The following DLG2 variants were observed in gnomAD, a reference collection of about 807,000 sequenced individuals.
DLG2 encodes discs large MAGUK scaffold protein 2, also known as disks large homolog 2.
In DLG2, 45 loss-of-function variants were observed where a neutral mutation model predicts 132.5. The observed-to-expected ratio is 0.34, with a 90% confidence interval of 0.27 to 0.44. The LOEUF (loss-of-function observed/expected upper bound fraction) is 0.44, where lower values mean the gene tolerates loss of function less well. Among genes scored for constraint, DLG2 ranks in the 20% least tolerant of loss-of-function variants. DLG2 has a pLI of 1.00. For synonymous variants in DLG2, 424 were observed against 419.6 expected, an observed-to-expected ratio of 1.01 and a Z score of -0.13; for missense variants, 1,045 against 1,196.9, an observed-to-expected ratio of 0.87 and a Z score of 1.87.
At chr11:83,476,140 T>A (rs1190661678) in intron 22 of DLG2, among the ~76,000 whole-genome samples, 5 of 152,144 alleles carry the variant, frequency 3.3e-5, no homozygotes, top group Admixed American at 2.0e-4. Context: ...GTACGTTTAA[T>A]GCTCAAAATT....
At chr11:84,742,159 G>A (rs1322454906) in intron 6 of DLG2, among the ~76,000 whole-genome samples, 2 of 151,982 alleles carry the variant, frequency 1.3e-5, no homozygotes, top group African/African-American at 4.8e-5. Flanking sequence ...GATTTATGGG[G>A]CACTATTAAA....
intron 6 of DLG2, among the ~76,000 whole-genome samples, chr11:84,548,037 TA>T (rs2099393817): frequency 6.6e-6 from 1 of 152,202 alleles, no homozygotes; most frequent in African/African-American, 2.4e-5. Flanking sequence ...GCACAGGTAA[TA>T]AAGTGAGTTC....
chr11:84,497,641 A>G (rs1203468636), intron 7 of DLG2, among the ~76,000 whole-genome samples: 1 of 152,214 alleles, frequency 6.6e-6, no homozygotes, highest in Non-Finnish European at 1.5e-5. Context: ...CTCACATAAT[A>G]CAAATTAGAA....
chr11:83,921,471 A>G (rs1203984929), intron 15 of DLG2, among the ~76,000 whole-genome samples: 1 of 152,176 alleles, frequency 6.6e-6, no homozygotes, highest in Non-Finnish European at 1.5e-5. Context: ...TAGCTACCGC[A>G]TAAGTCATTA....
In DLG2 at chr11:85,531,755, C is replaced by T. The variant is rs543402992; in HGVS notation, c.40+66902G>A. On this transcript the variant is annotated intron_variant, in intron 3 of 27. Coordinates refer to ENST00000376104, the MANE Select transcript of DLG2 (RefSeq NM_001142699.3). ...CGGTGGAGGGGTGGAGAAAGACACA[C>T]GCTGCAAGATAAAATTAGAAAAGAA... Among the ~76,000 whole-genome samples, 29 of 152,208 alleles carry T rather than the reference C, an allele frequency of 1.9e-4. No homozygotes were observed. The South Asian group carries it at 4.8e-3, about 25-fold the overall frequency.
intron 3 of DLG2, among the ~76,000 whole-genome samples, chr11:85,401,979 A>T (rs932918251): frequency 2.0e-4 from 1 of 5,092 alleles, no homozygotes; most frequent in Admixed American, 1.0e-3. Context: ...TCAGAGAATT[A>T]ATAAAAAACT....
At chr11:83,503,785 T>C (rs888231187) in intron 21 of DLG2, among the ~76,000 whole-genome samples, 10 of 152,158 alleles carry the variant, frequency 6.6e-5, no homozygotes, top group African/African-American at 2.4e-4. Context: ...CCCTCACAGA[T>C]ACATCTAGGA....
At chr11:85,474,781 A>G (rs2093089725) in intron 3 of DLG2, among the ~76,000 whole-genome samples, 1 of 151,634 alleles carries the variant, frequency 6.6e-6, no homozygotes, top group Non-Finnish European at 1.5e-5. Context: ...AATTTACTTA[A>G]TGTAATTTAT....
At chr11:85,476,823 C>A (rs963010289) in intron 3 of DLG2, among the ~76,000 whole-genome samples, 1 of 151,994 alleles carries the variant, frequency 6.6e-6, no homozygotes, top group Non-Finnish European at 1.5e-5. Flanking sequence ...CCTGAAGGAC[C>A]TGTCTGAGGC....
At chr11:84,070,341 G>A (rs1411437021) in intron 10 of DLG2, among the ~76,000 whole-genome samples, 1 of 152,094 alleles carries the variant, frequency 6.6e-6, no homozygotes, top group East Asian at 1.9e-4. Flanking sequence ...TCATTCAAAG[G>A]CAAGTTCACA....
chr11:83,810,879 G>A (rs547638651), intron 17 of DLG2, among the ~76,000 whole-genome samples: 1 of 152,178 alleles, frequency 6.6e-6, no homozygotes, highest in East Asian at 1.9e-4. Context: ...GTATATATAA[G>A]ATGATCTCCT....
rs1408541022 is a variant in DLG2, at chr11:85,154,555, C to T, written c.282+1G>A. 7.1e-7 allele frequency: 1 copy of T among 1,413,946 alleles called. No individual in the cohort carries two copies. The highest frequency in any genetic ancestry group is 9.8e-7 in the Non-Finnish European group (1 of 1,025,380). 87.6% of individuals were successfully genotyped at this position (1,413,946 alleles called of 1,614,324 possible). A position where few individuals can be genotyped will look rare whatever the true frequency, so the allele number is the denominator to read the frequency against. On this transcript the variant is annotated splice_donor_variant, in intron 5 of 27. Transcript: ENST00000376104. LOFTEE classifies it high-confidence loss of function. ...AGAAAAGAAAACAGTATAACACTTACAGTTGTCGTCTCATCAGTTTCATTT... is the reference window on the plus strand; with the variant it reads ...AGAAAAGAAAACAGTATAACACTTATAGTTGTCGTCTCATCAGTTTCATTT...
intron 19 of DLG2, among the ~76,000 whole-genome samples, chr11:83,606,052 C>A (rs189164915): frequency 1.1e-3 from 165 of 152,318 alleles, no homozygotes; most frequent in Admixed American, 4.2e-3. Context: ...TCCACAGAGT[C>A]ATCGGTGATT....
intron 6 of DLG2, among the ~76,000 whole-genome samples, chr11:84,838,034 C>T (rs2080061629): frequency 6.6e-6 from 1 of 151,786 alleles, no homozygotes. Context: ...AATATTTACA[C>T]ACATAAACAA....
intron 6 of DLG2, among the ~76,000 whole-genome samples, chr11:84,906,341 G>A (rs573827521): frequency 7.4e-5 from 11 of 147,692 alleles, no homozygotes; most frequent in African/African-American, 2.5e-4. Flanking sequence ...AAAAGTACTC[G>A]ATGACTTGAC....
intron 6 of DLG2, among the ~76,000 whole-genome samples, chr11:84,786,366 T>C (rs992415596): frequency 6.6e-6 from 1 of 152,174 alleles, no homozygotes; most frequent in Non-Finnish European, 1.5e-5. Flanking sequence ...ACCACAGATA[T>C]ATAGAACTAA....
At chr11:85,276,325 T>C (rs565947130) in intron 4 of DLG2, among the ~76,000 whole-genome samples, 18 of 152,282 alleles carry the variant, frequency 1.2e-4, no homozygotes, top group African/African-American at 4.1e-4. Flanking sequence ...AGAATTTCAC[T>C]ATTACAAGAA....
chr11:85,225,240 A>G (rs926110935), intron 4 of DLG2, among the ~76,000 whole-genome samples: 1 of 152,092 alleles, frequency 6.6e-6, no homozygotes, highest in Admixed American at 6.6e-5. Flanking sequence ...AGCACTGCCC[A>G]GCAATCCTTT....
chr11:85,099,669 G>A (rs757595990), intron 6 of DLG2, among the ~76,000 whole-genome samples: 5 of 152,076 alleles, frequency 3.3e-5, no homozygotes, highest in Non-Finnish European at 5.9e-5. Flanking sequence ...GGGATTATTC[G>A]CTTGGAAGAG....
Sources: gnomAD v4.1 joint callset for allele counts (sites outside exome capture counted in the v4.1 genomes callset) on GRCh38, gnomAD v4.1.1 for gene constraint, MANE v1.5 for transcripts, NCBI Gene and HGNC (gene_info 2026-07-23, HGNC 2026-07-21) for gene names.